The following KMT2C variants were observed in gnomAD, a reference collection of about 807,000 sequenced individuals.
KMT2C encodes histone-lysine N-methyltransferase 2C.
KMT2C carries 88 observed loss-of-function variants against 507.9 expected under a neutral mutation model. That is an observed-to-expected ratio of 0.17 (90% CI 0.15 to 0.21). The LOEUF is 0.21. KMT2C is among the 10% of genes least tolerant of loss of function. The probability of loss-of-function intolerance (pLI) is 1.00; values close to 1 mark genes in which losing one functional copy is unlikely to be tolerated. For missense variants in KMT2C, 4,954 were observed against 5,957.8 expected, an observed-to-expected ratio of 0.83 and a Z score of 5.55; for synonymous variants, 2,049 against 2,080.8, an observed-to-expected ratio of 0.98 and a Z score of 0.42.
intron 52 of KMT2C, among the ~76,000 whole-genome samples, chr7:152,147,723 A>AAAG (rs1554454322): frequency 1.5e-5 from 2 of 133,926 alleles, no homozygotes; most frequent in Non-Finnish European, 3.1e-5. Context: ...AAAAAAAAAA[A>AAAG]AAAAAGAAAA....
intron 1 of KMT2C, among the ~76,000 whole-genome samples, chr7:152,362,976 C>A (rs1176134707): frequency 1.3e-5 from 2 of 152,160 alleles, no homozygotes; most frequent in Admixed American, 6.5e-5. Flanking sequence ...TTTTCGAATT[C>A]TTTTATTTCA....
chr7:152,208,906 C>T (rs1169721838), intron 23 of KMT2C, among the ~76,000 whole-genome samples: 1 of 152,034 alleles, frequency 6.6e-6, no homozygotes, highest in African/African-American at 2.4e-5. Context: ...TGGCTCATGC[C>T]CATAATCCCA....
intron 1 of KMT2C, among the ~76,000 whole-genome samples, chr7:152,435,375 A>T (rs2116818467): frequency 1.3e-5 from 2 of 151,594 alleles, no homozygotes; most frequent in South Asian, 4.1e-4. Flanking sequence ...GGCCCGACTG[A>T]AAAGTAAAGT....
At position 152,162,734 on chromosome 7, in the gene KMT2C, C is replaced by T; in HGVS notation, c.10843G>A (p.Asp3615Asn). The change falls in exon 43 of 59, where the codon GAT becomes AAT. Residue 3615 changes from aspartate to asparagine, a missense_variant. Physicochemically the swap from Asp to Asn is conservative, Grantham distance 23. Coordinates refer to ENST00000262189, the MANE Select transcript of KMT2C (RefSeq NM_170606.3). ...GATGGAGCCTTGGTGGATTCTGCAT[C>T]ATCATCTCTTTTCTTCTTTCTTGTT... ...KRTRKKKRDD[D>N]AESTKAPSTP... is the part of the protein sequence containing the mutation. 1 of 1,614,190 alleles carries T rather than the reference C, an allele frequency of 6.2e-7. No individual in the cohort carries two copies. Among genetic ancestry groups the T allele is most frequent in the Non-Finnish European group, 8.5e-7 (1 of 1,180,030 alleles).
intron 40 of KMT2C, 95 bp from the exon 41 acceptor site, chr7:152,169,344 G>GA (rs1442193777): frequency 1.0e-5 from 7 of 699,262 alleles, no homozygotes; most frequent in East Asian, 2.7e-5. Flanking sequence ...AGAAATGGAA[G>GA]AAAAAACCCT....
chr7:152,297,934 A>G (rs2096531341), intron 6 of KMT2C, among the ~76,000 whole-genome samples: 1 of 152,182 alleles, frequency 6.6e-6, no homozygotes. Flanking sequence ...ATATAATCAA[A>G]AAGTTAAATA....
chr7:152,271,852 CTT>C (rs1312056833), intron 7 of KMT2C, among the ~76,000 whole-genome samples: 2 of 151,910 alleles, frequency 1.3e-5, no homozygotes, highest in Middle Eastern at 3.2e-3. Context: ...CAAGTGATGT[CTT>C]GTTATTATTA....
At chr7:152,264,381 G>A (rs2095828524) in intron 8 of KMT2C, among the ~76,000 whole-genome samples, 1 of 152,146 alleles carries the variant, frequency 6.6e-6, no homozygotes, top group Admixed American at 6.5e-5. Flanking sequence ...GGTGCAAGCG[G>A]AAATCACAGA....
intron 35 of KMT2C, 77 bp downstream of exon 35, chr7:152,182,896 TA>T: frequency 9.4e-7 from 1 of 1,059,656 alleles, no homozygotes; most frequent in Non-Finnish European, 1.4e-6. Flanking sequence ...AACTATATTC[TA>T]AAATAATAAT....
At chr7:152,413,990 C>T (rs892030136) in intron 1 of KMT2C, among the ~76,000 whole-genome samples, 3 of 151,408 alleles carry the variant, frequency 2.0e-5, no homozygotes, top group South Asian at 2.1e-4. Context: ...GGCGGGCGGA[C>T]CACTAGGTCA....
At chr7:152,378,295 A>G (rs945080292) in intron 1 of KMT2C, among the ~76,000 whole-genome samples, 17 of 152,206 alleles carry the variant, frequency 1.1e-4, no homozygotes, top group African/African-American at 4.1e-4. Context: ...AATGTAGCAA[A>G]CTTCATTGTT....
chr7:152,226,912 C>T (rs1314940958), intron 18 of KMT2C, among the ~76,000 whole-genome samples: 2 of 152,216 alleles, frequency 1.3e-5, no homozygotes, highest in Middle Eastern at 6.3e-3. Context: ...GTGACCCTGG[C>T]TTAAACAATG....
At chr7:152,293,360 T>C (rs940442183) in intron 6 of KMT2C, among the ~76,000 whole-genome samples, 3 of 152,206 alleles carry the variant, frequency 2.0e-5, no homozygotes, top group African/African-American at 7.2e-5. Flanking sequence ...AATAAGTTTT[T>C]GAAGTATATT....
chr7:152,355,941 G>A (rs1204747796), intron 2 of KMT2C, among the ~76,000 whole-genome samples: 1 of 152,024 alleles, frequency 6.6e-6, no homozygotes, highest in Non-Finnish European at 1.5e-5. Flanking sequence ...TTATGCTAAT[G>A]AAATCAATGA....
At chr7:152,297,056 AGAGAGAGAGAGAGAGAGAGAGAGAGAGAG>A (rs2096518009) in intron 6 of KMT2C, among the ~76,000 whole-genome samples, 1 of 42,030 alleles carries the variant, frequency 2.4e-5, no homozygotes, top group East Asian at 6.8e-4. Context: ...AAAGAAAGAC[AGAGAGAGAGAGAGAGAGAGAGAGAGAGAG>A]AGAGAGAGAA....
rs183786036 is a variant in KMT2C, at chr7:152,238,598, T to G, written c.2652+109A>C. 5 of 784,512 alleles carry G rather than the reference T, an allele frequency of 6.4e-6. No homozygotes were observed. In the South Asian group the frequency reaches 1.3e-4, roughly 21 times the overall value. 48.6% of individuals were successfully genotyped at this position (784,512 alleles called of 1,614,324 possible). A position where few individuals can be genotyped will look rare whatever the true frequency, so the allele number is the denominator to read the frequency against. On this transcript the variant is annotated intron_variant, in intron 15 of 58. Transcript: ENST00000262189. ...CATTAAAATTTTTAGATTTAAAAAG[T>G]GTTTCTTGGAAGCTCAATCTAGAAA...
chr7:152,137,022 CAG>C lies in KMT2C; in HGVS notation c.14644-100_14644-99del, dbSNP rs1467300620. 5 of 904,750 alleles carry C rather than the reference CAG, an allele frequency of 5.5e-6. No individual in the cohort carries two copies. In the East Asian group the frequency reaches 1.2e-4, roughly 22 times the overall value. The allele number at this position is 904,750 out of a possible 1,614,324, so 56.0% of individuals were successfully genotyped here. A position where few individuals can be genotyped will look rare whatever the true frequency, so the allele number is the denominator to read the frequency against. On this transcript the variant is annotated intron_variant, in intron 58 of 58. Coordinates refer to ENST00000262189, the MANE Select transcript of KMT2C (RefSeq NM_170606.3). ...TGCATTTTAAAACCAGCAAACGAAA[CAG>C]ACGTAAATTAAGGAAGACCTGATTT...
chr7:152,334,745 TC>T (rs1245752881), intron 2 of KMT2C, among the ~76,000 whole-genome samples: 1 of 152,186 alleles, frequency 6.6e-6, no homozygotes, highest in Non-Finnish European at 1.5e-5. Flanking sequence ...GGCGCAATGC[TC>T]CAGGTGATGG....
intron 14 of KMT2C, among the ~76,000 whole-genome samples, chr7:152,243,653 C>T (rs1270285240): frequency 1.3e-5 from 2 of 151,988 alleles, no homozygotes; most frequent in African/African-American, 2.4e-5. Context: ...GGTGTGTTGA[C>T]GTGCGCCCGT....
Sources: allele counts gnomAD v4.1 joint callset (sites outside exome capture counted in the v4.1 genomes callset), GRCh38; gene constraint gnomAD v4.1.1; transcripts MANE v1.5; gene names NCBI Gene and HGNC (gene_info 2026-07-23, HGNC 2026-07-21).